Variants in TIMP2 observed in about 807,000 individuals in gnomAD.
TIMP2 encodes the protein metalloproteinase inhibitor 2.
TIMP2 carries 5 observed loss-of-function variants against 24.3 expected under a neutral mutation model. The ratio of observed to expected loss-of-function variants is 0.21; its 90% CI spans 0.11 to 0.43. The LOEUF (loss-of-function observed/expected upper bound fraction) is 0.43. TIMP2 is among the 20% of genes least tolerant of loss of function. The probability of loss-of-function intolerance (pLI) is 1.00; values close to 1 mark genes in which losing one functional copy is unlikely to be tolerated. For missense variants in TIMP2, 221 were observed against 297.5 expected, an observed-to-expected ratio of 0.74 and a Z score of 1.89; for synonymous variants, 130 against 123.2, an observed-to-expected ratio of 1.06 and a Z score of -0.37.
At chr17:78,878,574 A>G (rs2069749859) in intron 1 of TIMP2, among the ~76,000 whole-genome samples, 2 of 152,204 alleles carry the variant, frequency 1.3e-5, no homozygotes, top group Non-Finnish European at 2.9e-5. Context: ...CCAGCGTGCT[A>G]GCTTTGCCTG....
chr17:78,915,457 T>C (rs578119091), intron 1 of TIMP2, among the ~76,000 whole-genome samples: 2 of 152,084 alleles, frequency 1.3e-5, no homozygotes, highest in South Asian at 4.2e-4. Flanking sequence ...CAAGCCAGTA[T>C]CAGTCTGAAT....
At chr17:78,918,065 A>ACACACACACAC (rs1555652947) in intron 1 of TIMP2, among the ~76,000 whole-genome samples, 11 of 144,812 alleles carry the variant, frequency 7.6e-5, no homozygotes, top group Admixed American at 1.4e-4. Context: ...TGCACACACA[A>ACACACACACAC]ACACACACAC....
intron 1 of TIMP2, among the ~76,000 whole-genome samples, chr17:78,886,860 AACTAT>A (rs928048744): frequency 2.0e-5 from 3 of 151,992 alleles, no homozygotes; most frequent in Admixed American, 1.3e-4. Context: ...TAGTAGCTGG[AACTAT>A]AGGTGCACGC....
rs2069518458 is a variant in TIMP2, at chr17:78,855,590, A to G, written c.*77T>C. 1 of 1,491,818 alleles carries G rather than the reference A, an allele frequency of 6.7e-7. No individual in the cohort carries two copies. Among genetic ancestry groups the G allele is most frequent in the African/African-American group, 1.4e-5 (1 of 72,434 alleles). 92.4% of individuals were successfully genotyped at this position (1,491,818 alleles called of 1,614,324 possible). A position where few individuals can be genotyped will look rare whatever the true frequency, so the allele number is the denominator to read the frequency against. ...TGTTTTATTCATGCTGTTTCCAGGA[A>G]GGGATGTCAGAGCTGGACCAGTCGA... is the stretch of plus-strand genomic sequence containing the variant. On this transcript the variant is annotated 3_prime_UTR_variant, in exon 5 of 5. Coordinates refer to ENST00000262768, the MANE Select transcript of TIMP2 (RefSeq NM_003255.5). The surrounding 1 kb of genome is among the most constrained non-coding windows in gnomAD (Gnocchi z 6.0).
intron 1 of TIMP2, among the ~76,000 whole-genome samples, chr17:78,895,135 G>T (rs1468028295): frequency 6.6e-6 from 1 of 152,090 alleles, no homozygotes; most frequent in East Asian, 1.9e-4. Flanking sequence ...ACAAAAATTA[G>T]CCGGGTGTGG....
chr17:78,925,055 G>T lies in TIMP2; in HGVS notation c.34C>A (p.Leu12Ile). The change falls in exon 1 of 5, where the codon CTC becomes ATC. Residue 12 changes from leucine (L) to isoleucine (I), a missense_variant. Leu to Ile is a conservative substitution (Grantham distance 5). Coordinates refer to ENST00000262768, the MANE Select transcript of TIMP2 (RefSeq NM_003255.5). ...AGCGTCGCCAGCAGCAGGAGGCCGA[G>T]CGCCAGCCGCAGGGTGCGGGCCGCG... ...GAAARTLRLA[L>I]GLLLLATLLR... 8.6e-7 allele frequency: 1 copy of T among 1,156,182 alleles called. No individual in the cohort carries two copies. Among genetic ancestry groups the T allele is most frequent in the Non-Finnish European group, 1.1e-6 (1 of 937,182 alleles). 71.6% of individuals were successfully genotyped at this position (1,156,182 alleles called of 1,614,324 possible).
intron 1 of TIMP2, among the ~76,000 whole-genome samples, chr17:78,880,860 G>A (rs977438686): frequency 6.6e-6 from 1 of 152,202 alleles, no homozygotes; most frequent in Non-Finnish European, 1.5e-5. Flanking sequence ...CCACTCTGCC[G>A]GGCTCCCAGG....
At chr17:78,868,826 G>T (rs529894271) in intron 3 of TIMP2, among the ~76,000 whole-genome samples, 2 of 152,290 alleles carry the variant, frequency 1.3e-5, no homozygotes, top group East Asian at 3.9e-4. Flanking sequence ...ACTGCAGAAA[G>T]CTCTTTGAGC....
At position 78,874,267 on chromosome 17, in the gene TIMP2, T is replaced by A. The variant is rs79572104; in HGVS notation, c.131-348A>T. ...TTTGACTGAAGCTCATCTGTTGATA[T>A]CATGCTTGAGTGCTTTTGGCTTTTT... is the stretch of plus-strand genomic sequence containing the variant. On this transcript the variant is annotated intron_variant, in intron 1 of 4. Coordinates refer to ENST00000262768, the MANE Select transcript of TIMP2 (RefSeq NM_003255.5). The A allele has an allele frequency of 1.6e-3, 384 of 238,304 alleles. 3 individuals are homozygous for A. The highest frequency in any genetic ancestry group is 7.9e-3 in the African/African-American group (307 of 39,038). The allele number at this position is 238,304 out of a possible 1,614,324, so 14.8% of individuals were successfully genotyped here.
At chr17:78,884,737 GC>G (rs2069810564) in intron 1 of TIMP2, among the ~76,000 whole-genome samples, 1 of 152,164 alleles carries the variant, frequency 6.6e-6, no homozygotes, top group African/African-American at 2.4e-5. Context: ...CCAGCCCTCC[GC>G]CCCGTGTCTT....
intron 1 of TIMP2, chr17:78,901,785 T>C: frequency 1.4e-6 from 1 of 717,052 alleles, no homozygotes; most frequent in Non-Finnish European, 2.6e-6. Context: ...TGGTACTTAC[T>C]GTGTGTGTCT....
Position 78,861,375 on chromosome 17 carries a change from C to T in TIMP2, c.341-3729G>A, listed in dbSNP as rs899982699. ...CATCTCGCTCCTTAATCAGAGAGTA[C>T]GTATAGAGAGTAAGGGCTGTGTCTT... On this transcript the variant is annotated intron_variant, in intron 3 of 4. Coordinates refer to ENST00000262768, the MANE Select transcript of TIMP2 (RefSeq NM_003255.5). Among the ~76,000 whole-genome samples the T allele has an allele frequency of 5.9e-5, 9 of 152,164 alleles. No homozygotes were observed. The South Asian group carries it at 6.2e-4, about 10-fold the overall frequency.
rs1436346855 is a variant in TIMP2, at chr17:78,891,653, C to T, written c.131-17734G>A. On this transcript the variant is annotated intron_variant, in intron 1 of 4. Coordinates refer to ENST00000262768, the MANE Select transcript of TIMP2 (RefSeq NM_003255.5). The surrounding 1 kb of genome is among the most constrained non-coding windows in gnomAD (Gnocchi z 4.5). ...CAGGGCTGGAACAAAGCAAACTGCC[C>T]CCTTTCCCAGTTGCCTCCTCCCCGC... 3 of 1,551,014 alleles carry T rather than the reference C, an allele frequency of 1.9e-6. No individual in the cohort carries two copies. The highest frequency in any genetic ancestry group is 2.4e-5 in the South Asian group (2 of 84,062).
At chr17:78,889,739 C>T (rs570742815) in intron 1 of TIMP2, among the ~76,000 whole-genome samples, 1 of 152,336 alleles carries the variant, frequency 6.6e-6, no homozygotes, top group South Asian at 2.1e-4. Flanking sequence ...GATGCATCCA[C>T]AGCACATGGG....
intron 1 of TIMP2, among the ~76,000 whole-genome samples, chr17:78,893,956 C>G (rs1599163469): frequency 6.6e-6 from 1 of 152,168 alleles, no homozygotes; most frequent in African/African-American, 2.4e-5. Flanking sequence ...GGGACAGCCA[C>G]AGTCGATATG....
chr17:78,865,501 G>A (rs948413902), intron 3 of TIMP2, among the ~76,000 whole-genome samples: 1 of 151,920 alleles, frequency 6.6e-6, no homozygotes, highest in Non-Finnish European at 1.5e-5. Context: ...GCACATGCCT[G>A]TAATCCCTGC....
chr17:78,905,204 G>A (rs954587962), intron 1 of TIMP2, among the ~76,000 whole-genome samples: 4 of 151,786 alleles, frequency 2.6e-5, no homozygotes, highest in Admixed American at 2.0e-4. Context: ...AGAGCTCCTG[G>A]GCCTCAGGCC....
intron 1 of TIMP2, among the ~76,000 whole-genome samples, chr17:78,918,505 C>T (rs1487540276): frequency 6.6e-6 from 1 of 152,194 alleles, no homozygotes; most frequent in Admixed American, 6.5e-5. Flanking sequence ...TCTGAGACAT[C>T]CATGCTCCTG....
intron 1 of TIMP2, among the ~76,000 whole-genome samples, chr17:78,893,680 G>A (rs989912134): frequency 2.0e-5 from 3 of 152,022 alleles, no homozygotes; most frequent in African/African-American, 4.8e-5. Flanking sequence ...ATGTGTGCAT[G>A]CAAGTCTGAT....
Sources: allele counts gnomAD v4.1 joint callset (sites outside exome capture counted in the v4.1 genomes callset), GRCh38; gene constraint gnomAD v4.1.1; non-coding constraint Gnocchi (gnomAD v3.1); transcripts MANE v1.5; gene names NCBI Gene and HGNC (gene_info 2026-07-23, HGNC 2026-07-21).